Variants in USP13 observed in about 807,000 individuals in gnomAD.
USP13 encodes the protein ubiquitin specific peptidase 13.
In USP13, 68 loss-of-function variants were observed where a neutral mutation model predicts 107.8. That is an observed-to-expected ratio of 0.63 (90% CI 0.52 to 0.77). USP13 has a LOEUF of 0.77. USP13 is among the 30% of genes least tolerant of loss of function. The pLI is 0.00. For synonymous variants in USP13, 377 were observed against 389.5 expected, an observed-to-expected ratio of 0.97 and a Z score of 0.38; for missense variants, 945 against 1,093.3, an observed-to-expected ratio of 0.86 and a Z score of 1.91.
intron 2 of USP13, among the ~76,000 whole-genome samples, chr3:179,685,905 A>G (rs1354871963): frequency 6.6e-6 from 1 of 152,030 alleles, no homozygotes; most frequent in Non-Finnish European, 1.5e-5. Flanking sequence ...ATTTTTTTCA[A>G]CATTCTGTAA....
chr3:179,716,232 T>C (rs560682786), intron 6 of USP13, among the ~76,000 whole-genome samples: 2 of 152,218 alleles, frequency 1.3e-5, no homozygotes, highest in East Asian at 3.9e-4. Context: ...CCTTCCATAG[T>C]TTTAACACAA....
chr3:179,731,785 C>T (rs1285607208), intron 10 of USP13, among the ~76,000 whole-genome samples: 4 of 152,172 alleles, frequency 2.6e-5, no homozygotes, highest in South Asian at 2.1e-4. Context: ...GAGTGGAACG[C>T]GTGCCCCACT....
chr3:179,760,773 C>G (rs950823519), intron 16 of USP13, among the ~76,000 whole-genome samples: 1 of 152,150 alleles, frequency 6.6e-6, no homozygotes, highest in African/African-American at 2.4e-5. Context: ...GTTCAAGTTT[C>G]AGTCATAGGA....
intron 3 of USP13, among the ~76,000 whole-genome samples, chr3:179,698,741 G>A (rs1712402684): frequency 6.6e-6 from 1 of 151,934 alleles, no homozygotes; most frequent in Non-Finnish European, 1.5e-5. Flanking sequence ...TTTTGTCTAT[G>A]AGCATAATAT....
intron 5 of USP13, among the ~76,000 whole-genome samples, chr3:179,707,329 CT>C (rs1712760095): frequency 6.6e-6 from 1 of 151,902 alleles, no homozygotes; most frequent in African/African-American, 2.4e-5. Context: ...TGCATGAGAG[CT>C]TTTTCTGCTT....
intron 2 of USP13, among the ~76,000 whole-genome samples, chr3:179,684,705 G>C (rs1482586854): frequency 3.3e-5 from 5 of 151,832 alleles, no homozygotes; most frequent in Admixed American, 6.6e-5. Context: ...TTATTTGTCT[G>C]TCTCTGCATT....
intron 2 of USP13, among the ~76,000 whole-genome samples, chr3:179,684,452 A>G (rs919784387): frequency 7.2e-5 from 11 of 152,134 alleles, no homozygotes; most frequent in Non-Finnish European, 1.3e-4. Context: ...CTGAGACCAC[A>G]GGCATGGGTC....
intron 1 of USP13, among the ~76,000 whole-genome samples, chr3:179,660,366 G>A (rs1720422827): frequency 6.6e-6 from 1 of 152,076 alleles, no homozygotes; most frequent in Admixed American, 6.5e-5. Context: ...TTATATAAGT[G>A]GAATCACACA....
intron 15 of USP13, among the ~76,000 whole-genome samples, chr3:179,756,781 A>C (rs1215267501): frequency 6.6e-6 from 1 of 152,180 alleles, no homozygotes; most frequent in East Asian, 1.9e-4. Flanking sequence ...TTTTTTAAAG[A>C]AAAAATAATA....
chr3:179,728,204 C>G (rs1449227705), intron 8 of USP13, among the ~76,000 whole-genome samples: 29 of 145,960 alleles, frequency 2.0e-4, no homozygotes, highest in African/African-American at 7.2e-4. Flanking sequence ...GGGGGGCTGA[C>G]CCCCCCACCT....
chr3:179,773,947 TTAG>T (rs572970401), intron 19 of USP13, among the ~76,000 whole-genome samples: 218 of 152,214 alleles, frequency 1.4e-3, no homozygotes, highest in Non-Finnish European at 2.3e-3. Flanking sequence ...CAGTAGTGTG[TTAG>T]TAGTTTTATA....
intron 10 of USP13, among the ~76,000 whole-genome samples, chr3:179,735,464 A>C (rs944549274): frequency 6.6e-6 from 1 of 151,956 alleles, no homozygotes; most frequent in African/African-American, 2.4e-5. Context: ...ATATATATAC[A>C]AAAGTAGAGA....
chr3:179,688,171 A>G (rs1473104229), intron 2 of USP13, among the ~76,000 whole-genome samples: 4 of 116,258 alleles, frequency 3.4e-5, no homozygotes, highest in Non-Finnish European at 7.5e-5. Context: ...CCATCCGTAT[A>G]TCCATCCATC....
At chr3:179,708,261 G>A (rs966235205) in intron 5 of USP13, among the ~76,000 whole-genome samples, 13 of 152,118 alleles carry the variant, frequency 8.5e-5, no homozygotes, top group Non-Finnish European at 1.8e-4. Flanking sequence ...CATCTGGGAG[G>A]CAGGCAGGGT....
chr3:179,658,031 C>T (rs1720333706), intron 1 of USP13, among the ~76,000 whole-genome samples: 1 of 152,106 alleles, frequency 6.6e-6, no homozygotes, highest in African/African-American at 2.4e-5. Flanking sequence ...AGGCGAGTCT[C>T]TGGCTTGTCC....
rs1190332182 is a variant in USP13 at position 179,786,286 on chromosome 3, A to G, written c.*2145A>G. On this transcript the variant is annotated 3_prime_UTR_variant, in exon 21 of 21. Coordinates refer to ENST00000263966, the MANE Select transcript of USP13 (RefSeq NM_003940.3). ...CTTGTTTTCAGCGATGTTATAAAAC[A>G]AAGGCCTGTTTTTTGGAATTGGGGG... 1 of 152,218 alleles carries G rather than the reference A, an allele frequency of 6.6e-6. No individual in the cohort carries two copies. The highest frequency in any genetic ancestry group is 1.5e-5 in the Non-Finnish European group (1 of 68,038). The allele number at this position is 152,218 out of a possible 1,614,324, so 9.4% of individuals were successfully genotyped here. A position where few individuals can be genotyped will look rare whatever the true frequency, so the allele number is the denominator to read the frequency against.
intron 8 of USP13, among the ~76,000 whole-genome samples, chr3:179,727,163 GTT>G (rs528617941): frequency 0.21 from 23,903 of 113,980 alleles, 2,149 homozygotes; most frequent in Admixed American, 0.25. Flanking sequence ...AATTTTTAAT[GTT>G]TTTTTTTTTT....
intron 6 of USP13, among the ~76,000 whole-genome samples, chr3:179,719,370 T>C (rs954542463): frequency 1.3e-5 from 2 of 152,120 alleles, no homozygotes; most frequent in African/African-American, 4.8e-5. Context: ...CTGTGAGATG[T>C]GGACCTGAAG....
chr3:179,724,868 C>T (rs1713455942), intron 8 of USP13, among the ~76,000 whole-genome samples: 1 of 152,218 alleles, frequency 6.6e-6, no homozygotes, highest in Non-Finnish European at 1.5e-5. Context: ...GCAAAATGGA[C>T]TTCTCTCTTT....
Sources: allele counts gnomAD v4.1 joint callset (sites outside exome capture counted in the v4.1 genomes callset), GRCh38; gene constraint gnomAD v4.1.1; transcripts MANE v1.5; gene names NCBI Gene and HGNC (gene_info 2026-07-23, HGNC 2026-07-21).